The following ITPRID1 variants were observed in gnomAD, a reference collection of about 807,000 sequenced individuals.
ITPRID1 encodes ITPR interacting domain containing 1.
In ITPRID1, 96 loss-of-function variants were observed where a neutral mutation model predicts 95.4. That is an observed-to-expected ratio of 1.01 (90% CI 0.85 to 1.19). The LOEUF (loss-of-function observed/expected upper bound fraction) is 1.19. ITPRID1 is among the 50% of genes most tolerant of loss of function. ITPRID1 has a pLI of 0.00. For missense variants in ITPRID1, 1,339 were observed against 1,252.9 expected, an observed-to-expected ratio of 1.07 and a Z score of -1.04; for synonymous variants, 510 against 453.6, an observed-to-expected ratio of 1.12 and a Z score of -1.58.
At position 31,613,913 on chromosome 7, in the gene ITPRID1, G is replaced by A. The variant is rs547416284; in HGVS notation, c.1229-28263G>A. On this transcript the variant is annotated intron_variant, in intron 10 of 14. Transcript: ENST00000615280. ...AATATTTGCTAATGCATATGTAGGG[G>A]GAGGGAAGTTCCTTATGGAAATATT... Among the ~76,000 whole-genome samples the A allele has an allele frequency of 8.5e-5, 13 of 152,316 alleles. No individual in the cohort carries two copies. The East Asian group carries it at 1.9e-3, about 23-fold the overall frequency.
intron 10 of ITPRID1, among the ~76,000 whole-genome samples, chr7:31,601,905 G>T (rs1160500911): frequency 2.6e-5 from 4 of 152,156 alleles, no homozygotes. Flanking sequence ...TAGTCACCTG[G>T]CCTCAATTTG....
chr7:31,616,607 A>G (rs1411090133), intron 10 of ITPRID1, among the ~76,000 whole-genome samples: 1 of 152,166 alleles, frequency 6.6e-6, no homozygotes, highest in East Asian at 1.9e-4. Flanking sequence ...CACAGGCACA[A>G]TGTTATTTCA....
At chr7:31,552,805 T>A (rs7793821) in intron 2 of ITPRID1, among the ~76,000 whole-genome samples, 197 bp from the exon 3 acceptor site, 88,727 of 151,886 alleles carry the variant, frequency 0.58, 26,947 homozygotes, top group Middle Eastern at 0.71. Context: ...CTGCTTTGCC[T>A]TGGAGAGGGA....
At chr7:31,623,775 A>G (rs1322055407) in intron 10 of ITPRID1, among the ~76,000 whole-genome samples, 1 of 151,580 alleles carries the variant, frequency 6.6e-6, no homozygotes, top group Admixed American at 6.6e-5. Flanking sequence ...GGCCAGGGCA[A>G]TTAGGCAGGA....
At chr7:31,646,317 TA>T (rs1166171107) in intron 12 of ITPRID1, among the ~76,000 whole-genome samples, 1 of 152,128 alleles carries the variant, frequency 6.6e-6, no homozygotes, top group African/African-American at 2.4e-5. Context: ...TGTGAGGTAC[TA>T]GGGGTGTCCT....
At chr7:31,521,847 C>T (rs538739260) in intron 1 of ITPRID1, among the ~76,000 whole-genome samples, 1 of 151,930 alleles carries the variant, frequency 6.6e-6, no homozygotes, top group East Asian at 1.9e-4. Flanking sequence ...TCTCAGCCCC[C>T]ACCACTTACC....
intron 10 of ITPRID1, among the ~76,000 whole-genome samples, chr7:31,618,662 T>C (rs1342363559): frequency 7.1e-6 from 1 of 140,426 alleles, no homozygotes; most frequent in African/African-American, 3.2e-5. Flanking sequence ...CCCATAATTA[T>C]AGTTGAGTAT....
intron 7 of ITPRID1, 61 bp downstream of exon 7, chr7:31,572,249 T>G (rs1443539165): frequency 4.6e-6 from 5 of 1,096,986 alleles, no homozygotes; most frequent in East Asian, 2.5e-5. Flanking sequence ...ATGGATTTCA[T>G]GAAATTATAA....
intron 5 of ITPRID1, among the ~76,000 whole-genome samples, chr7:31,564,210 G>A (rs565117395): frequency 2.0e-5 from 3 of 152,234 alleles, no homozygotes; most frequent in East Asian, 1.9e-4. Context: ...GGTTAAGTGC[G>A]GTGTCTGCTG....
chr7:31,626,913 A>G (rs1446977836), intron 10 of ITPRID1, among the ~76,000 whole-genome samples: 1 of 152,270 alleles, frequency 6.6e-6, no homozygotes, highest in Non-Finnish European at 1.5e-5. Context: ...ACAAATAAAT[A>G]TAGCAAGCTT....
At chr7:31,606,256 G>C (rs1475025073) in intron 10 of ITPRID1, among the ~76,000 whole-genome samples, 1 of 151,992 alleles carries the variant, frequency 6.6e-6, no homozygotes, top group Non-Finnish European at 1.5e-5. Flanking sequence ...TTCCCTAGGG[G>C]TCCAAAAATC....
chr7:31,651,334 C>T (rs1790931312), intron 13 of ITPRID1, 65 bp downstream of exon 13: 2 of 1,560,816 alleles, frequency 1.3e-6, no homozygotes, highest in Admixed American at 3.7e-5. Context: ...GGAAGATAAT[C>T]AGGGCAGAAC....
At chr7:31,631,433 T>C (rs1160703846) in intron 10 of ITPRID1, among the ~76,000 whole-genome samples, 3 of 152,216 alleles carry the variant, frequency 2.0e-5, no homozygotes, top group Admixed American at 6.5e-5. Flanking sequence ...CCTAAATACA[T>C]AGAAAGATTT....
intron 5 of ITPRID1, among the ~76,000 whole-genome samples, chr7:31,559,782 C>T (rs1562569277): frequency 6.6e-6 from 1 of 152,204 alleles, no homozygotes; most frequent in Non-Finnish European, 1.5e-5. Context: ...TTTTCAGCTT[C>T]TTCCTGCAGC....
chr7:31,550,656 GAACAAAA>G (rs1222695274), intron 2 of ITPRID1, among the ~76,000 whole-genome samples: 1 of 144,708 alleles, frequency 6.9e-6, no homozygotes, highest in Non-Finnish European at 1.6e-5. Context: ...AAAACAGGGG[GAACAAAA>G]GAGGTTTTCT....
chr7:31,615,706 C>T (rs1235581976), intron 10 of ITPRID1, among the ~76,000 whole-genome samples: 1 of 151,668 alleles, frequency 6.6e-6, no homozygotes, highest in East Asian at 1.9e-4. Flanking sequence ...ACTAAGTGAC[C>T]AATTGAAGGC....
intron 1 of ITPRID1, among the ~76,000 whole-genome samples, chr7:31,548,401 G>T (rs931052959): frequency 2.6e-5 from 4 of 152,150 alleles, no homozygotes; most frequent in African/African-American, 7.2e-5. Context: ...CAGCAACAAA[G>T]ATCATAGAGG....
At chr7:31,652,084 C>A in intron 14 of ITPRID1, 34 bp downstream of exon 14, 2 of 1,396,262 alleles carry the variant, frequency 1.4e-6, no homozygotes, top group Non-Finnish European at 1.0e-6. Flanking sequence ...TTGACTATAT[C>A]CAGCCTACCA....
chr7:31,550,648 AAC>A (rs1236718380), intron 2 of ITPRID1, among the ~76,000 whole-genome samples: 3 of 151,864 alleles, frequency 2.0e-5, no homozygotes, highest in African/African-American at 7.2e-5. Flanking sequence ...CATCCACTAA[AAC>A]AGGGGGAACA....
Sources: gnomAD v4.1 joint callset for allele counts (sites outside exome capture counted in the v4.1 genomes callset) on GRCh38, gnomAD v4.1.1 for gene constraint, MANE v1.5 for transcripts, NCBI Gene and HGNC (gene_info 2026-07-23, HGNC 2026-07-21) for gene names.